Variants in RSU1 observed in about 807,000 individuals in gnomAD.
RSU1 encodes the protein Ras suppressor protein 1.
RSU1 carries 26 observed loss-of-function variants against 31.1 expected under a neutral mutation model. The observed-to-expected ratio is 0.84, with a 90% CI of 0.61 to 1.16. The LOEUF (loss-of-function observed/expected upper bound fraction) is 1.16. Among genes scored for constraint, RSU1 ranks in the 50% most tolerant of loss-of-function variants. The pLI, the probability that RSU1 is intolerant of heterozygous loss-of-function variation, is 0.00. For missense variants in RSU1, 320 were observed against 339.1 expected (o/e 0.94, Z 0.44); for synonymous variants, 164 against 136.3 (o/e 1.20, Z -1.41).
intron 7 of RSU1, among the ~76,000 whole-genome samples, chr10:16,740,905 T>A (rs897391683): frequency 1.3e-5 from 2 of 152,186 alleles, no homozygotes; most frequent in Non-Finnish European, 2.9e-5. Context: ...ATCTACAAAT[T>A]CGGTGCAATT....
chr10:16,645,864 ATATATACATATATGTG>A (rs1301147520), intron 8 of RSU1, among the ~76,000 whole-genome samples: 1 of 128,036 alleles, frequency 7.8e-6, no homozygotes, highest in Admixed American at 8.1e-5. Context: ...ATATATACGT[ATATATACATATATGTG>A]TATATACATA....
intron 8 of RSU1, among the ~76,000 whole-genome samples, chr10:16,684,387 C>A (rs1485528073): frequency 6.6e-6 from 1 of 152,044 alleles, no homozygotes; most frequent in Non-Finnish European, 1.5e-5. Flanking sequence ...CGAATTTTGG[C>A]AAGATAAAAA....
chr10:16,796,334 T>C (rs1398534733), intron 2 of RSU1, among the ~76,000 whole-genome samples: 2 of 152,194 alleles, frequency 1.3e-5, no homozygotes, highest in Admixed American at 1.3e-4. Flanking sequence ...TAGGTGTGTT[T>C]CTTCTGATCT....
intron 8 of RSU1, among the ~76,000 whole-genome samples, chr10:16,655,060 A>C (rs1834753654): frequency 7.9e-6 from 1 of 127,232 alleles, no homozygotes; most frequent in African/African-American, 3.3e-5. Context: ...TCCCTTAAAA[A>C]AAAAAAAAAA....
chr10:16,658,948 G>C (rs1834837053), intron 8 of RSU1, among the ~76,000 whole-genome samples: 1 of 152,184 alleles, frequency 6.6e-6, no homozygotes, highest in South Asian at 2.1e-4. Flanking sequence ...TGCCAACCTG[G>C]TACATATAAA....
At chr10:16,667,367 C>T (rs754775484) in intron 8 of RSU1, among the ~76,000 whole-genome samples, 13 of 152,206 alleles carry the variant, frequency 8.5e-5, no homozygotes, top group Non-Finnish European at 1.8e-4. Context: ...TTACTGAGTA[C>T]TAGCGAGTGA....
intron 8 of RSU1, among the ~76,000 whole-genome samples, chr10:16,613,874 C>G (rs1264096800): frequency 1.3e-5 from 2 of 151,280 alleles, no homozygotes; most frequent in Non-Finnish European, 2.9e-5. Context: ...AGAAGACTAA[C>G]TACTGATGGA....
In RSU1 at chr10:16,642,098, A is replaced by G. The variant is rs907218957; in HGVS notation, c.732-48602T>C. Among the ~76,000 whole-genome samples the G allele has an allele frequency of 2.6e-5, 4 of 152,322 alleles. No individual in the cohort carries two copies. In the East Asian group the frequency reaches 5.8e-4, roughly 22 times the overall value. ...TATGGAAACAGAGATGGAATTGATA[A>G]CAGGCAGCAGTCTGATTTCAGTCTG... On this transcript the variant is annotated intron_variant, in intron 8 of 8. Transcript: ENST00000345264.
chr10:16,791,836 G>A (rs75055980), intron 2 of RSU1, among the ~76,000 whole-genome samples: 186 of 152,208 alleles, frequency 1.2e-3, no homozygotes, highest in African/African-American at 4.4e-3. Context: ...TTACAGACTC[G>A]TTCCCAAGGT....
chr10:16,735,655 C>T (rs968144217), intron 7 of RSU1, among the ~76,000 whole-genome samples: 1 of 152,126 alleles, frequency 6.6e-6, no homozygotes, highest in African/African-American at 2.4e-5. Context: ...AGGAAACTTA[C>T]AATCATGGCA....
At chr10:16,687,086 A>G (rs993403688) in intron 8 of RSU1, among the ~76,000 whole-genome samples, 1 of 152,226 alleles carries the variant, frequency 6.6e-6, no homozygotes, top group Non-Finnish European at 1.5e-5. Context: ...GAAGAAAGCA[A>G]CGTGGATATG....
intron 8 of RSU1, among the ~76,000 whole-genome samples, chr10:16,593,785 G>A (rs7074132): frequency 4.7e-4 from 71 of 152,290 alleles, no homozygotes; most frequent in African/African-American, 1.6e-3. Flanking sequence ...AAGTTCAAAA[G>A]CTTATGAGTG....
intron 2 of RSU1, among the ~76,000 whole-genome samples, chr10:16,785,263 C>T (rs982399797): frequency 2.0e-5 from 3 of 151,910 alleles, no homozygotes; most frequent in Non-Finnish European, 1.5e-5. Context: ...TCGCTGCCCT[C>T]GAATGTTGGA....
chr10:16,654,497 C>T (rs1021683161), intron 8 of RSU1, among the ~76,000 whole-genome samples: 1 of 149,184 alleles, frequency 6.7e-6, no homozygotes, highest in African/African-American at 2.5e-5. Flanking sequence ...TGGTGAAACC[C>T]TGTCTTTACT....
intron 8 of RSU1, among the ~76,000 whole-genome samples, chr10:16,647,584 A>G (rs947970753): frequency 6.6e-6 from 1 of 152,160 alleles, no homozygotes; most frequent in Non-Finnish European, 1.5e-5. Flanking sequence ...GTACTAACAT[A>G]TGGTATGACT....
rs1838203793 is a variant in RSU1 at position 16,803,574 on chromosome 10, T to G, written c.109+13399A>C. 1.3e-5 allele frequency among the ~76,000 whole-genome samples: 2 copies of G among 152,164 alleles called. 1 individual carries two copies. The highest frequency in any genetic ancestry group is 4.1e-4 in the South Asian group (2 of 4,832). On this transcript the variant is annotated intron_variant, in intron 2 of 8. Coordinates refer to ENST00000345264, the MANE Select transcript of RSU1 (RefSeq NM_012425.4). The stretch of plus-strand genomic sequence containing the variant: ...AGTTGGAGCACTGACACTGACCAAC[T>G]TCAAAACTTAATGTCAGTTATAGTA...
At chr10:16,770,778 C>T (rs1024527311) in intron 3 of RSU1, among the ~76,000 whole-genome samples, 4 of 152,202 alleles carry the variant, frequency 2.6e-5, no homozygotes, top group South Asian at 2.1e-4. Flanking sequence ...CAGGTGGCAT[C>T]GCGGCATGTC....
At chr10:16,791,668 A>C (rs1210433236) in intron 2 of RSU1, among the ~76,000 whole-genome samples, 2 of 152,102 alleles carry the variant, frequency 1.3e-5, no homozygotes, top group Admixed American at 6.5e-5. Flanking sequence ...TCGAAAAACT[A>C]AAACTCCTAG....
Position 16,685,364 on chromosome 10 carries a change from G to T in RSU1, c.731+9659C>A, listed in dbSNP as rs1049398188. ...TCTCACACAAGAAAGAATTCAGGGC[G>T]AGTCCACAGAGTAAAGTTAAAGGAA... On this transcript the variant is annotated intron_variant, in intron 8 of 8. Coordinates refer to ENST00000345264, the MANE Select transcript of RSU1 (RefSeq NM_012425.4). 2.0e-5 allele frequency among the ~76,000 whole-genome samples: 3 copies of T among 152,184 alleles called. No individual in the cohort carries two copies. The East Asian group carries it at 5.8e-4, about 29-fold the overall frequency.
Sources: allele counts gnomAD v4.1 joint callset (sites outside exome capture counted in the v4.1 genomes callset), GRCh38; gene constraint gnomAD v4.1.1; transcripts MANE v1.5; gene names NCBI Gene and HGNC (gene_info 2026-07-23, HGNC 2026-07-21).